Variants in EYS observed in about 807,000 individuals in gnomAD.
EYS encodes the protein EGF-like photoreceptor maintenance factor, also known as protein eyes shut homolog.
In EYS, 250 loss-of-function variants were observed where a neutral mutation model predicts 282.1. That is an observed-to-expected ratio of 0.89 (90% CI 0.80 to 0.98). The LOEUF (loss-of-function observed/expected upper bound fraction) is 0.98, where lower values mean the gene tolerates loss of function less well. Ranked by LOEUF, EYS falls within the 50% of genes least tolerant of loss-of-function variation. The probability of loss-of-function intolerance (pLI) is 0.00; values close to 1 mark genes in which losing one functional copy is unlikely to be tolerated. For missense variants in EYS, 4,016 were observed against 3,709.0 expected, an observed-to-expected ratio of 1.08 and a Z score of -2.15; for synonymous variants, 1,355 against 1,282.9, an observed-to-expected ratio of 1.06 and a Z score of -1.20.
At chr6:64,689,035 C>T (rs1475159878) in intron 22 of EYS, among the ~76,000 whole-genome samples, 3 of 152,126 alleles carry the variant, frequency 2.0e-5, no homozygotes, top group Non-Finnish European at 2.9e-5. Context: ...CAAATTGTCC[C>T]TGTTTGCAGA....
chr6:63,736,257 T>A (rs1056206291), intron 41 of EYS, among the ~76,000 whole-genome samples: 8 of 152,206 alleles, frequency 5.3e-5, no homozygotes, highest in African/African-American at 1.9e-4. Flanking sequence ...TTGAATTAAT[T>A]TTTGTATAAG....
At chr6:64,342,156 C>T (rs1158981595) in intron 29 of EYS, among the ~76,000 whole-genome samples, 1 of 151,396 alleles carries the variant, frequency 6.6e-6, no homozygotes, top group East Asian at 1.9e-4. Flanking sequence ...ATGTAAAAAT[C>T]AGAAGTAAAA....
chr6:63,991,999 C>G (rs926141680), intron 34 of EYS, among the ~76,000 whole-genome samples: 1 of 151,770 alleles, frequency 6.6e-6, no homozygotes, highest in African/African-American at 2.4e-5. Flanking sequence ...TTTGCCAAAA[C>G]TGTCCTCCAA....
chr6:64,463,105 C>T (rs1163201724), intron 26 of EYS, among the ~76,000 whole-genome samples: 3 of 151,998 alleles, frequency 2.0e-5, no homozygotes, highest in Admixed American at 1.3e-4. Flanking sequence ...CGCCACCACG[C>T]CCGGCTATTT....
At chr6:65,645,168 A>AGT (rs796684755) in intron 1 of EYS, among the ~76,000 whole-genome samples, 2 of 152,132 alleles carry the variant, frequency 1.3e-5, no homozygotes, top group African/African-American at 4.8e-5. Flanking sequence ...CTTAGACTAT[A>AGT]CCCTACAGCA....
intron 35 of EYS, among the ~76,000 whole-genome samples, chr6:63,864,995 CCT>C (rs1476521448): frequency 2.0e-5 from 3 of 152,196 alleles, no homozygotes; most frequent in African/African-American, 7.2e-5. Flanking sequence ...GTTATTTCTG[CCT>C]CTCTGCATCC....
chr6:64,686,925 A>ATATG (rs1770168163), intron 22 of EYS, among the ~76,000 whole-genome samples: 1 of 143,994 alleles, frequency 6.9e-6, no homozygotes, highest in African/African-American at 2.6e-5. Context: ...ACATATATAT[A>ATATG]CGTATATATA....
chr6:64,420,517 C>A (rs999534209), intron 28 of EYS, among the ~76,000 whole-genome samples: 1 of 152,088 alleles, frequency 6.6e-6, no homozygotes, highest in South Asian at 2.1e-4. Context: ...CATCCACAGG[C>A]TCAACACCAT....
At chr6:64,223,038 C>T (rs2150334190) in intron 31 of EYS, among the ~76,000 whole-genome samples, 1 of 152,048 alleles carries the variant, frequency 6.6e-6, no homozygotes, top group East Asian at 1.9e-4. Flanking sequence ...TTTCAAAGTT[C>T]TGGTGACTTT....
chr6:65,484,935 A>G (rs186504894), intron 5 of EYS, among the ~76,000 whole-genome samples: 207 of 152,324 alleles, frequency 1.4e-3, no homozygotes, highest in Admixed American at 4.8e-3. Flanking sequence ...TCATGCTGCA[A>G]TAGCAGAGTT....
intron 12 of EYS, among the ~76,000 whole-genome samples, chr6:65,274,485 C>T (rs991774688): frequency 6.6e-6 from 1 of 152,158 alleles, no homozygotes; most frequent in Non-Finnish European, 1.5e-5. Context: ...CCCTAGTATA[C>T]AGCTATTGAT....
chr6:63,866,721 G>T (rs1475432111), intron 35 of EYS, among the ~76,000 whole-genome samples: 2 of 152,136 alleles, frequency 1.3e-5, no homozygotes, highest in Non-Finnish European at 2.9e-5. Flanking sequence ...AAATTTTATA[G>T]AAAACTCTCC....
chr6:64,660,436 G>A (rs1768961937), intron 22 of EYS, among the ~76,000 whole-genome samples: 1 of 151,864 alleles, frequency 6.6e-6, no homozygotes, highest in Non-Finnish European at 1.5e-5. Context: ...AGGAAAAGAG[G>A]AAGTCAAATT....
intron 12 of EYS, among the ~76,000 whole-genome samples, chr6:65,111,293 A>T (rs1775206042): frequency 2.6e-5 from 4 of 152,004 alleles, no homozygotes; most frequent in African/African-American, 9.6e-5. Flanking sequence ...ATTTACCATT[A>T]TTATTTCTCC....
chr6:65,367,126 C>A (rs1582194830), intron 8 of EYS, among the ~76,000 whole-genome samples: 2 of 151,630 alleles, frequency 1.3e-5, no homozygotes, highest in Non-Finnish European at 2.9e-5. Context: ...TACCATTATT[C>A]AGCCCAGCAT....
chr6:64,808,235 G>C (rs9453014), intron 22 of EYS, among the ~76,000 whole-genome samples: 68,407 of 151,752 alleles, frequency 0.45, 16,874 homozygotes, highest in Admixed American at 0.63. Flanking sequence ...TGGCACACTG[G>C]AGCAAGGGGA....
At chr6:64,654,903 A>G (rs1768692983) in intron 22 of EYS, among the ~76,000 whole-genome samples, 2 of 152,166 alleles carry the variant, frequency 1.3e-5, no homozygotes, top group African/African-American at 2.4e-5. Flanking sequence ...TATAGCAAAC[A>G]GTTTAGTTTT....
chr6:65,119,954 C>A (rs1214998217), intron 12 of EYS, among the ~76,000 whole-genome samples: 4 of 151,330 alleles, frequency 2.6e-5, no homozygotes, highest in African/African-American at 9.7e-5. Flanking sequence ...TGGCTAAGAC[C>A]GTGAAACCTA....
chr6:65,434,703 A>G (rs2150387105), intron 5 of EYS, among the ~76,000 whole-genome samples: 1 of 151,854 alleles, frequency 6.6e-6, no homozygotes, highest in Non-Finnish European at 1.5e-5. Flanking sequence ...AGCGCCTAAA[A>G]TCTCTCATCA....
Sources: allele counts gnomAD v4.1 joint callset (sites outside exome capture counted in the v4.1 genomes callset), GRCh38; gene constraint gnomAD v4.1.1; transcripts MANE v1.5; gene names NCBI Gene and HGNC (gene_info 2026-07-23, HGNC 2026-07-21).